Variants in CSMD3 observed in about 807,000 individuals in gnomAD.
CSMD3 encodes CUB and sushi domain-containing protein 3.
Under a neutral mutation model 435.2 loss-of-function variants are expected in CSMD3, and 177 were observed. The ratio of observed to expected loss-of-function variants is 0.41; its 90% CI spans 0.36 to 0.46. The LOEUF is 0.46. Ranked by LOEUF, CSMD3 falls within the 20% of genes least tolerant of loss-of-function variation. The pLI, the probability that CSMD3 is intolerant of heterozygous loss-of-function variation, is 0.34. For missense variants in CSMD3, 4,265 were observed against 4,504.6 expected, an observed-to-expected ratio of 0.95 and a Z score of 1.52; for synonymous variants, 1,656 against 1,520.5, an observed-to-expected ratio of 1.09 and a Z score of -2.07.
At chr8:112,885,331 A>T (rs1247393636) in intron 10 of CSMD3, among the ~76,000 whole-genome samples, 1 of 149,194 alleles carries the variant, frequency 6.7e-6, no homozygotes, top group African/African-American at 2.5e-5. Flanking sequence ...CAATAGTCAT[A>T]GAGTTGGCTA....
At chr8:112,290,842 T>C (rs1326104831) in intron 56 of CSMD3, among the ~76,000 whole-genome samples, 1 of 152,008 alleles carries the variant, frequency 6.6e-6, no homozygotes. Context: ...TTGACTGAAT[T>C]GCTAGAATTT....
intron 32 of CSMD3, among the ~76,000 whole-genome samples, chr8:112,465,673 C>G (rs1205079908): frequency 6.6e-6 from 1 of 152,026 alleles, no homozygotes; most frequent in African/African-American, 2.4e-5. Flanking sequence ...ATTAAAACAA[C>G]CATCAGTTAG....
intron 31 of CSMD3, among the ~76,000 whole-genome samples, chr8:112,481,599 T>G: frequency 6.6e-6 from 1 of 152,188 alleles, no homozygotes; most frequent in East Asian, 1.9e-4. Flanking sequence ...CTTACAAAAC[T>G]GCTAGTATAT....
At chr8:113,248,372 A>T (rs373520086) in intron 3 of CSMD3, among the ~76,000 whole-genome samples, 1 of 149,740 alleles carries the variant, frequency 6.7e-6, no homozygotes, top group East Asian at 2.0e-4. Flanking sequence ...TACAATAGAG[A>T]TTTTAGTATA....
In CSMD3 at chr8:112,875,034, A is replaced by G. The variant is rs536073379; in HGVS notation, c.1634-15768T>C. Among the ~76,000 whole-genome samples the G allele has an allele frequency of 2.0e-5, 3 of 152,254 alleles. No homozygotes were observed. The East Asian group carries it at 5.8e-4, about 29-fold the overall frequency. On this transcript the variant is annotated intron_variant, in intron 10 of 70. Coordinates refer to ENST00000297405, the MANE Select transcript of CSMD3 (RefSeq NM_198123.2). ...GTGTCGATGGACTTCACAGTTTGGT[A>G]TGTTTTTGCAGTGGCTGGTACTGGT...
At chr8:112,556,224 G>A (rs540991608) in intron 25 of CSMD3, among the ~76,000 whole-genome samples, 1 of 151,462 alleles carries the variant, frequency 6.6e-6, no homozygotes, top group Non-Finnish European at 1.5e-5. Context: ...GAATAAAATG[G>A]TACCCCAGCT....
intron 3 of CSMD3, among the ~76,000 whole-genome samples, chr8:113,241,690 T>G (rs1009838622): frequency 6.6e-6 from 1 of 151,740 alleles, no homozygotes; most frequent in Non-Finnish European, 1.5e-5. Flanking sequence ...AGAAAACACT[T>G]TAAAATCTCT....
At chr8:113,130,806 G>A (rs796945587) in intron 4 of CSMD3, among the ~76,000 whole-genome samples, 2 of 152,206 alleles carry the variant, frequency 1.3e-5, no homozygotes, top group African/African-American at 4.8e-5. Flanking sequence ...GGCTTTGACC[G>A]AAATGCTGAT....
At chr8:113,252,449 A>G (rs1588375160) in intron 3 of CSMD3, among the ~76,000 whole-genome samples, 1 of 151,048 alleles carries the variant, frequency 6.6e-6, no homozygotes, top group Non-Finnish European at 1.5e-5. Context: ...ATTCTTTCAA[A>G]TTTTATGTAT....
At chr8:113,326,776 C>T (rs1563703371) in intron 1 of CSMD3, among the ~76,000 whole-genome samples, 1 of 152,050 alleles carries the variant, frequency 6.6e-6, no homozygotes, top group African/African-American at 2.4e-5. Flanking sequence ...TAATTCTATA[C>T]AGTTCAGTTA....
rs1250951247 is a variant in CSMD3, at chr8:112,921,561, T to A, written c.1633+66A>T. 3.1e-6 allele frequency: 4 copies of A among 1,295,356 alleles called. No individual in the cohort carries two copies. In the African/African-American group the frequency reaches 4.4e-5, roughly 14 times the overall value. 80.2% of individuals were successfully genotyped at this position (1,295,356 alleles called of 1,614,324 possible). ...ACAATTCAAAGACTTAATTGCAACT[T>A]AATTACAATGAAATAAAGGTTAAAC... On this transcript the variant is annotated intron_variant, in intron 10 of 70. Transcript: ENST00000297405.
chr8:112,584,762 T>C (rs771329310), intron 23 of CSMD3, among the ~76,000 whole-genome samples: 1 of 151,250 alleles, frequency 6.6e-6, no homozygotes, highest in African/African-American at 2.4e-5. Flanking sequence ...GGGCAGCAGA[T>C]TTTATAATGG....
At chr8:112,593,421 G>A (rs1414137856) in intron 22 of CSMD3, among the ~76,000 whole-genome samples, 1 of 152,152 alleles carries the variant, frequency 6.6e-6, no homozygotes, top group African/African-American at 2.4e-5. Context: ...CGATGTGGGG[G>A]CATGAAAGAG....
intron 32 of CSMD3, among the ~76,000 whole-genome samples, chr8:112,438,581 A>T (rs1411152421): frequency 6.6e-6 from 1 of 151,868 alleles, no homozygotes; most frequent in Non-Finnish European, 1.5e-5. Flanking sequence ...TAGTTACTTT[A>T]AAAAAAATAG....
chr8:113,344,512 A>C (rs1189736796), intron 1 of CSMD3, among the ~76,000 whole-genome samples: 2 of 152,130 alleles, frequency 1.3e-5, no homozygotes, highest in East Asian at 1.9e-4. Context: ...AAATAATGTG[A>C]AATTTCACTT....
At chr8:112,837,495 T>C (rs945626283) in intron 11 of CSMD3, among the ~76,000 whole-genome samples, 4 of 151,796 alleles carry the variant, frequency 2.6e-5, no homozygotes, top group African/African-American at 4.8e-5. Flanking sequence ...CTCTAACTTA[T>C]ATGAAATAGT....
At chr8:113,339,513 G>A (rs1172578820) in intron 1 of CSMD3, among the ~76,000 whole-genome samples, 7 of 151,972 alleles carry the variant, frequency 4.6e-5, no homozygotes, top group South Asian at 2.1e-4. Context: ...TCATACAAAC[G>A]TTTACTGCTA....
chr8:112,373,197 AT>A (rs1828608539), intron 38 of CSMD3, among the ~76,000 whole-genome samples: 1 of 151,900 alleles, frequency 6.6e-6, no homozygotes, highest in Admixed American at 6.6e-5. Flanking sequence ...GATGAAAAAA[AT>A]AAACACTATC....
At chr8:113,080,666 G>A (rs1339089827) in intron 5 of CSMD3, among the ~76,000 whole-genome samples, 1 of 152,128 alleles carries the variant, frequency 6.6e-6, no homozygotes, top group Non-Finnish European at 1.5e-5. Flanking sequence ...AAAGCACAGA[G>A]TCAGTGAAAA....
Sources: gnomAD v4.1 joint callset for allele counts (sites outside exome capture counted in the v4.1 genomes callset) on GRCh38, gnomAD v4.1.1 for gene constraint, MANE v1.5 for transcripts, NCBI Gene and HGNC (gene_info 2026-07-23, HGNC 2026-07-21) for gene names.